Variants in ETV6 observed in about 807,000 individuals in gnomAD.
ETV6 encodes transcription factor ETV6.
In ETV6, 16 loss-of-function variants were observed where a neutral mutation model predicts 51.1. The ratio of observed to expected loss-of-function variants is 0.31; its 90% confidence interval spans 0.21 to 0.48. The LOEUF (loss-of-function observed/expected upper bound fraction) is 0.48, where lower values mean the gene tolerates loss of function less well. ETV6 is among the 20% of genes least tolerant of loss of function. ETV6 has a pLI of 0.99. For synonymous variants in ETV6, 240 were observed against 224.1 expected (o/e 1.07, Z -0.64); for missense variants, 458 against 594.8 (o/e 0.77, Z 2.39).
chr12:11,781,078 C>G (rs979653497), intron 2 of ETV6, among the ~76,000 whole-genome samples: 1 of 152,204 alleles, frequency 6.6e-6, no homozygotes, highest in Non-Finnish European at 1.5e-5. Context: ...CATGATACAA[C>G]AGTAAACCCC....
At chr12:11,674,758 G>C (rs1591600628) in intron 1 of ETV6, among the ~76,000 whole-genome samples, 1 of 152,054 alleles carries the variant, frequency 6.6e-6, no homozygotes, top group East Asian at 1.9e-4. Context: ...ACCACCTAGA[G>C]AGATGATGAT....
At chr12:11,830,951 G>A (rs1473372110) in intron 2 of ETV6, among the ~76,000 whole-genome samples, 1 of 152,154 alleles carries the variant, frequency 6.6e-6, no homozygotes, top group Non-Finnish European at 1.5e-5. Context: ...TGAGAGACAA[G>A]AACAGATGTG....
At chr12:11,779,070 T>G (rs953591436) in intron 2 of ETV6, among the ~76,000 whole-genome samples, 12 of 152,236 alleles carry the variant, frequency 7.9e-5, no homozygotes, top group African/African-American at 2.9e-4. Flanking sequence ...GATTAAATGC[T>G]TTGCTCTATT....
At chr12:11,790,634 A>AT (rs1372012173) in intron 2 of ETV6, among the ~76,000 whole-genome samples, 2 of 148,694 alleles carry the variant, frequency 1.3e-5, no homozygotes, top group East Asian at 2.0e-4. Flanking sequence ...TCTTTCATAT[A>AT]ATTTCCGTTA....
chr12:11,730,522 G>A (rs918878356), intron 1 of ETV6, among the ~76,000 whole-genome samples: 5 of 152,208 alleles, frequency 3.3e-5, no homozygotes, highest in Admixed American at 2.0e-4. Context: ...TTCTAAGGAC[G>A]GGTTGTCCAG....
intron 2 of ETV6, among the ~76,000 whole-genome samples, chr12:11,797,624 TC>T (rs1945698054): frequency 6.6e-6 from 1 of 152,110 alleles, no homozygotes; most frequent in South Asian, 2.1e-4. Context: ...CAATACTGGT[TC>T]CCTGAACCAC....
At chr12:11,796,352 T>G (rs1170783727) in intron 2 of ETV6, among the ~76,000 whole-genome samples, 1 of 152,216 alleles carries the variant, frequency 6.6e-6, no homozygotes, top group African/African-American at 2.4e-5. Flanking sequence ...TGTGCCATAT[T>G]CATACTCACC....
chr12:11,653,698 A>G (rs1863947880), intron 1 of ETV6, among the ~76,000 whole-genome samples: 1 of 152,084 alleles, frequency 6.6e-6, no homozygotes, highest in African/African-American at 2.4e-5. Flanking sequence ...ACTTTCATCC[A>G]CTGGCTTGCT....
chr12:11,749,279 T>TCC (rs1465179080), intron 1 of ETV6, among the ~76,000 whole-genome samples: 2 of 135,958 alleles, frequency 1.5e-5, no homozygotes, highest in African/African-American at 5.8e-5. Flanking sequence ...AAAATCGTTA[T>TCC]CCCCCCCATA....
chr12:11,760,425 A>G (rs1945067851), intron 2 of ETV6, among the ~76,000 whole-genome samples: 1 of 152,208 alleles, frequency 6.6e-6, no homozygotes, highest in African/African-American at 2.4e-5. Context: ...GCACAGGGCT[A>G]CGCAGTGAAT....
intron 2 of ETV6, among the ~76,000 whole-genome samples, chr12:11,815,162 T>C (rs985780469): frequency 5.9e-5 from 9 of 152,192 alleles, no homozygotes; most frequent in Admixed American, 5.9e-4. Context: ...AACCTTCACA[T>C]CCATGGCCTC....
intron 4 of ETV6, among the ~76,000 whole-genome samples, chr12:11,856,994 G>T (rs930091645): frequency 6.6e-6 from 1 of 152,220 alleles, no homozygotes; most frequent in Non-Finnish European, 1.5e-5. Context: ...TGGATAGGTG[G>T]ATAGGAATGA....
intron 5 of ETV6, among the ~76,000 whole-genome samples, chr12:11,880,941 TC>T (rs1947081751): frequency 6.6e-6 from 1 of 152,082 alleles, no homozygotes; most frequent in African/African-American, 2.4e-5. Flanking sequence ...TGGCTTCTTT[TC>T]CCCCTAGAGA....
intron 1 of ETV6, among the ~76,000 whole-genome samples, chr12:11,698,873 G>A (rs1474536520): frequency 6.6e-6 from 1 of 152,134 alleles, no homozygotes; most frequent in African/African-American, 2.4e-5. Flanking sequence ...TCTGAGTTAG[G>A]TATTACTACT....
chr12:11,713,274 G>A (rs75460411), intron 1 of ETV6, among the ~76,000 whole-genome samples: 8,215 of 152,184 alleles, frequency 0.054, 699 homozygotes, highest in African/African-American at 0.19. Flanking sequence ...TAACACATAC[G>A]TGTGCATTGC....
At chr12:11,676,084 G>C (rs1864416930) in intron 1 of ETV6, among the ~76,000 whole-genome samples, 1 of 152,160 alleles carries the variant, frequency 6.6e-6, no homozygotes, top group Non-Finnish European at 1.5e-5. Flanking sequence ...GCCACTTCTT[G>C]CTTGTTCATG....
At chr12:11,883,864 ACAGT>A (rs1010471158) in intron 5 of ETV6, among the ~76,000 whole-genome samples, 2 of 152,188 alleles carry the variant, frequency 1.3e-5, no homozygotes, top group Non-Finnish European at 2.9e-5. Context: ...CACAGTTCCC[ACAGT>A]CAGAGTCACC....
rs1316717602 is a variant in ETV6 at position 11,853,525 on chromosome 12, C to G, written c.427C>G (p.Gln143Glu). 1 of 1,614,244 alleles carries G rather than the reference C, an allele frequency of 6.2e-7. No individual in the cohort carries two copies. Among genetic ancestry groups the G allele is most frequent in the South Asian group, 1.1e-5 (1 of 91,086 alleles). The change falls in exon 4 of 8, where the codon CAG becomes GAG. Residue 143 changes from glutamine (Q) to glutamate (E), a missense_variant. Coordinates refer to ENST00000396373, the MANE Select transcript of ETV6 (RefSeq NM_001987.5). ...CCACCCTGGAAACTCTATACACACACAGCCGGAGGTCATACTGCATCAGAA... is the reference window on the plus strand; with the variant it reads ...CCACCCTGGAAACTCTATACACACAGAGCCGGAGGTCATACTGCATCAGAA... ...FFHPGNSIHT[Q>E]PEVILHQNHE...
At position 11,869,537 on chromosome 12, in the gene ETV6, TCTC is replaced by T. The variant is rs1946845256; in HGVS notation, c.580_582del (p.Pro194del). On this transcript the variant is annotated inframe_deletion, in exon 5 of 8. Transcript: ENST00000396373. This position sits in a 1 kb window ranked among gnomAD's most constrained non-coding sequence, Gnocchi z 5.0. Reference sequence around the variant, plus strand: ...ACCTATCACGACAAATCACCGGCCTTCTCCTGACCCCGAGCAGCGGCCCCTCCG... The same window carrying T: ...ACCTATCACGACAAATCACCGGCCTTCTGACCCCGAGCAGCGGCCCCTCCG... 4 of 1,613,822 alleles carry T rather than the reference TCTC, an allele frequency of 2.5e-6. No individual in the cohort carries two copies. Among genetic ancestry groups the T allele is most frequent in the Non-Finnish European group, 3.4e-6 (4 of 1,179,976 alleles).
Sources: allele counts gnomAD v4.1 joint callset (sites outside exome capture counted in the v4.1 genomes callset), GRCh38; gene constraint gnomAD v4.1.1; non-coding constraint Gnocchi (gnomAD v3.1); transcripts MANE v1.5; gene names NCBI Gene and HGNC (gene_info 2026-07-23, HGNC 2026-07-21).